Variants in LDB2 observed in about 807,000 individuals in gnomAD.
LDB2 encodes LIM domain-binding protein 2.
In LDB2, 12 loss-of-function variants were observed where a neutral mutation model predicts 44.3. The ratio of observed to expected loss-of-function variants is 0.27; its 90% CI spans 0.17 to 0.44. The LOEUF (loss-of-function observed/expected upper bound fraction) is 0.44. LDB2 is among the 20% of genes least tolerant of loss of function. The probability of loss-of-function intolerance (pLI) is 1.00; values close to 1 mark genes in which losing one functional copy is unlikely to be tolerated. For missense variants in LDB2, 344 were observed against 473.5 expected (o/e 0.73, Z 2.54); for synonymous variants, 164 against 174.8 (o/e 0.94, Z 0.49).
chr4:16,728,582 G>T (rs1760049510), intron 2 of LDB2, among the ~76,000 whole-genome samples: 2 of 152,132 alleles, frequency 1.3e-5, no homozygotes, highest in African/African-American at 2.4e-5. Context: ...TACAATTTAA[G>T]CTTCATTATC....
intron 2 of LDB2, among the ~76,000 whole-genome samples, chr4:16,673,855 C>T (rs922973565): frequency 6.6e-6 from 1 of 152,160 alleles, no homozygotes; most frequent in Non-Finnish European, 1.5e-5. Flanking sequence ...CTCTGAGATG[C>T]TTGTTGAAAA....
chr4:16,594,685 C>A (rs999812852), intron 3 of LDB2, among the ~76,000 whole-genome samples: 1 of 152,132 alleles, frequency 6.6e-6, no homozygotes, highest in African/African-American at 2.4e-5. Context: ...ATTCTTGCAG[C>A]AAAATTGCAT....
intron 1 of LDB2, among the ~76,000 whole-genome samples, chr4:16,810,214 T>C (rs1286203083): frequency 6.6e-6 from 1 of 152,120 alleles, no homozygotes; most frequent in Non-Finnish European, 1.5e-5. Context: ...GGTGCACAAG[T>C]CTGGCACCCA....
intron 5 of LDB2, among the ~76,000 whole-genome samples, chr4:16,547,734 G>A (rs1736257157): frequency 6.6e-6 from 1 of 152,176 alleles, no homozygotes; most frequent in African/African-American, 2.4e-5. Context: ...AAGCCTAGAT[G>A]TTTGGACTTG....
chr4:16,769,633 T>C (rs1770202284), intron 1 of LDB2, among the ~76,000 whole-genome samples: 1 of 151,828 alleles, frequency 6.6e-6, no homozygotes. Flanking sequence ...AAACAACTCA[T>C]GTTCTAGAGA....
intron 1 of LDB2, chr4:16,892,972 G>A: frequency 2.9e-6 from 1 of 343,624 alleles, no homozygotes; most frequent in Non-Finnish European, 4.1e-6. Flanking sequence ...CCTATGAATA[G>A]TTAGTTTGCA....
chr4:16,538,415 C>CA (rs145082268), intron 5 of LDB2, among the ~76,000 whole-genome samples: 15,835 of 149,914 alleles, frequency 0.11, 898 homozygotes, highest in South Asian at 0.18. Context: ...GTCCAACAAG[C>CA]AAAAAAACAA....
rs1332289565 is a variant in LDB2, at chr4:16,631,148, A to G, written c.236-35273T>C. On this transcript the variant is annotated intron_variant, in intron 2 of 7. Coordinates refer to ENST00000304523, the MANE Select transcript of LDB2 (RefSeq NM_001290.5). Reference sequence around the variant, plus strand: ...GAATACACATTATTCTCAGCACCACATCACACTTATTCTAAAATTGACCAC... The same window carrying G: ...GAATACACATTATTCTCAGCACCACGTCACACTTATTCTAAAATTGACCAC... 2.6e-5 allele frequency among the ~76,000 whole-genome samples: 4 copies of G among 152,214 alleles called. No homozygotes were observed. In the East Asian group the frequency reaches 7.7e-4, roughly 29 times the overall value.
Position 16,588,824 on chromosome 4 carries a change from T to C in LDB2, c.417A>G (p.Thr139=), listed in dbSNP as rs749377598. Residue 139 remains threonine (T), a synonymous_variant, in exon 4 of 8, where the codon ACA becomes ACG. Transcript: ENST00000304523. ...HGKPMFTKVC[T]EGRLILEFTF... The stretch of plus-strand genomic sequence containing the variant: ...TGAACTCCAAGATCAGTCTGCCTTC[T>C]GTACATACCTGGAAGTGACAAACCA... 1.5e-5 allele frequency: 24 copies of C among 1,613,058 alleles called. No homozygotes were observed. The highest frequency in any genetic ancestry group is 1.8e-5 in the Non-Finnish European group (21 of 1,179,746).
At chr4:16,756,754 A>G (rs1766745099) in intron 2 of LDB2, among the ~76,000 whole-genome samples, 2 of 152,312 alleles carry the variant, frequency 1.3e-5, no homozygotes, top group South Asian at 4.1e-4. Context: ...ACATTCTAAT[A>G]AGGAATGACA....
chr4:16,641,150 G>T (rs978512213), intron 2 of LDB2, among the ~76,000 whole-genome samples: 1 of 152,172 alleles, frequency 6.6e-6, no homozygotes, highest in Admixed American at 6.5e-5. Flanking sequence ...GGATATCTCT[G>T]TGATGTATGG....
intron 1 of LDB2, among the ~76,000 whole-genome samples, chr4:16,854,838 CTG>C (rs1368623118): frequency 1.3e-5 from 2 of 151,996 alleles, no homozygotes; most frequent in African/African-American, 4.8e-5. Flanking sequence ...ATTTCATACA[CTG>C]TGGCATTTTA....
At position 16,616,261 on chromosome 4, in the gene LDB2, C is replaced by G. The variant is rs1216721271; in HGVS notation, c.236-20386G>C. ...TGGATGACTGAATTTTGCACTGGCA[C>G]ATATCAAGATAATGTGTTGACTACT... On this transcript the variant is annotated intron_variant, in intron 2 of 7. Transcript: ENST00000304523. Among the ~76,000 whole-genome samples the G allele has an allele frequency of 2.0e-5, 3 of 152,148 alleles. No individual in the cohort carries two copies. The East Asian group carries it at 5.8e-4, about 29-fold the overall frequency.
chr4:16,796,103 G>A (rs1291214627), intron 1 of LDB2, among the ~76,000 whole-genome samples: 1 of 151,976 alleles, frequency 6.6e-6, no homozygotes, highest in Admixed American at 6.6e-5. Context: ...ACCAGTCTGG[G>A]CAACATGGTG....
At chr4:16,876,830 C>A (rs538624249) in intron 1 of LDB2, among the ~76,000 whole-genome samples, 4 of 152,090 alleles carry the variant, frequency 2.6e-5, no homozygotes, top group African/African-American at 9.6e-5. Flanking sequence ...TCCTCACTAA[C>A]CAAATACTCC....
intron 5 of LDB2, among the ~76,000 whole-genome samples, chr4:16,525,853 A>T (rs1309917739): frequency 6.6e-6 from 1 of 152,230 alleles, no homozygotes; most frequent in Non-Finnish European, 1.5e-5. Context: ...AAAGCCACTG[A>T]GATAGAAAGA....
chr4:16,586,640 T>A (rs1356720434), intron 4 of LDB2, among the ~76,000 whole-genome samples: 1 of 152,122 alleles, frequency 6.6e-6, no homozygotes, highest in African/African-American at 2.4e-5. Context: ...CCTGCAGGAC[T>A]GTAAGAGTAA....
rs1049070239 is a variant in LDB2, at chr4:16,595,826, T to G, written c.285A>C (p.Gly95=). ...IPRYFSTVFE[G]GVTDLYYILK... ...GAATGTAATACAGGTCGGTCACCCC[T>G]CCTTCAAACACAGTGCTAAAGTAAC... The change falls in exon 3 of 8, where the codon GGA becomes GGC. Residue 95 remains glycine, a synonymous_variant. Transcript: ENST00000304523. 4 of 1,613,488 alleles carry G rather than the reference T, an allele frequency of 2.5e-6. No homozygotes were observed. In the African/African-American group the frequency reaches 5.3e-5, roughly 22 times the overall value.
rs192534725 is a variant in LDB2, at chr4:16,828,893, C to T, written c.132+69461G>A. Among the ~76,000 whole-genome samples the T allele has an allele frequency of 1.1e-4, 17 of 152,268 alleles. No individual in the cohort carries two copies. The East Asian group carries it at 3.3e-3, about 29-fold the overall frequency. Reference sequence around the variant, plus strand: ...GAGACACCTGCAACACGGCACCCTGCAGCAAAGAATACCAAAGAAAAGTGA... The same window carrying T: ...GAGACACCTGCAACACGGCACCCTGTAGCAAAGAATACCAAAGAAAAGTGA... On this transcript the variant is annotated intron_variant, in intron 1 of 7. Coordinates refer to ENST00000304523, the MANE Select transcript of LDB2 (RefSeq NM_001290.5).
Sources: gnomAD v4.1 joint callset for allele counts (sites outside exome capture counted in the v4.1 genomes callset) on GRCh38, gnomAD v4.1.1 for gene constraint, MANE v1.5 for transcripts, NCBI Gene and HGNC (gene_info 2026-07-23, HGNC 2026-07-21) for gene names.